Variants in NEDD1 observed in about 807,000 individuals in gnomAD.
NEDD1 encodes NEDD1 gamma-tubulin ring complex targeting factor.
In NEDD1, 33 loss-of-function variants were observed where a neutral mutation model predicts 74.0. That is an observed-to-expected ratio of 0.45 (90% CI 0.34 to 0.60). The LOEUF (loss-of-function observed/expected upper bound fraction) is 0.60, where lower values mean the gene tolerates loss of function less well. NEDD1 is among the 20% of genes least tolerant of loss of function. The pLI is 0.01. For missense variants in NEDD1, 746 were observed against 776.5 expected (o/e 0.96, Z 0.47); for synonymous variants, 250 against 264.4 (o/e 0.95, Z 0.53).
Position 96,940,501 on chromosome 12 carries a change from A to G in NEDD1, c.1210A>G (p.Ser404Gly), listed in dbSNP as rs1462255785. Residue 404 changes from serine to glycine, a missense_variant, in exon 10 of 16, where the codon AGT becomes GGT. Coordinates refer to ENST00000266742, the MANE Select transcript of NEDD1 (RefSeq NM_152905.4). ...CTCCAGCTTTGATGATACTGGGAAA[A>G]GTAGTTTAGGTGACATGTTCTCACC... is the stretch of plus-strand genomic sequence containing the variant. ...DFSSFDDTGK[S>G]SLGDMFSPIR... The G allele has an allele frequency of 1.2e-6, 2 of 1,606,908 alleles. No homozygotes were observed. The highest frequency in any genetic ancestry group is 1.7e-6 in the Non-Finnish European group (2 of 1,174,366).
At chr12:96,916,598 T>C (rs557964848) in intron 4 of NEDD1, among the ~76,000 whole-genome samples, 2 of 148,214 alleles carry the variant, frequency 1.3e-5, no homozygotes, top group African/African-American at 2.5e-5. Flanking sequence ...TCATTTTTTA[T>C]GGCTGCATAG....
At chr12:96,936,261 A>G (rs1254811382) in intron 7 of NEDD1, among the ~76,000 whole-genome samples, 1 of 152,166 alleles carries the variant, frequency 6.6e-6, no homozygotes, top group East Asian at 1.9e-4. Context: ...GCCCTCCTCA[A>G]CCATGAGGCC....
chr12:96,934,966 A>G lies in NEDD1; in HGVS notation c.490-10A>G. The G allele has an allele frequency of 6.5e-7, 1 of 1,534,016 alleles. No homozygotes were observed. The highest frequency in any genetic ancestry group is 9.0e-7 in the Non-Finnish European group (1 of 1,108,668). On this transcript the variant is annotated splice_polypyrimidine_tract_variant and intron_variant, in intron 6 of 15. Coordinates refer to ENST00000266742, the MANE Select transcript of NEDD1 (RefSeq NM_152905.4). ...ATAATTACATAAAATTTATTCTTTC[A>G]TTTTTATAGTCTGTTCGGCACTTGA...
At chr12:96,918,177 T>TG (rs1555200953) in intron 5 of NEDD1, among the ~76,000 whole-genome samples, 5 of 151,700 alleles carry the variant, frequency 3.3e-5, no homozygotes, top group East Asian at 1.9e-4. Context: ...TGTTTTTTTT[T>TG]TGTGTGTGTG....
At chr12:96,918,181 G>A (rs1159480798) in intron 5 of NEDD1, among the ~76,000 whole-genome samples, 1 of 150,718 alleles carries the variant, frequency 6.6e-6, no homozygotes, top group African/African-American at 2.4e-5. Flanking sequence ...TTTTTTTTGT[G>A]TGTGTGTGTT....
At chr12:96,926,988 TTGTG>T (rs58398494) in intron 6 of NEDD1, among the ~76,000 whole-genome samples, 14 of 147,838 alleles carry the variant, frequency 9.5e-5, no homozygotes, top group South Asian at 2.2e-4. Flanking sequence ...AAAAAAAAAA[TTGTG>T]TGTGTGTGTG....
chr12:96,945,584 CTCT>C, intron 13 of NEDD1, 106 bp from the exon 14 acceptor site: 4 of 643,314 alleles, frequency 6.2e-6, no homozygotes, highest in Non-Finnish European at 8.2e-6. Context: ...CACAGGAACA[CTCT>C]TCTTTGCCAG....
At position 96,907,818 on chromosome 12, in the gene NEDD1, A is replaced by G. The variant is rs1873484425; in HGVS notation, c.-47A>G. ...GGGACCGTCTTTGAGGGACTCATGT[A>G]AAGTCTCTCCCTTAATGCTCAGTTC... is the stretch of plus-strand genomic sequence containing the variant. On this transcript the variant is annotated 5_prime_UTR_variant, in exon 2 of 16. An upstream open reading frame in the 5' UTR loses its in-frame stop. Coordinates refer to ENST00000266742, the MANE Select transcript of NEDD1 (RefSeq NM_152905.4). The G allele has an allele frequency of 6.9e-7, 1 of 1,457,102 alleles. No individual in the cohort carries two copies. Among genetic ancestry groups the G allele is most frequent in the East Asian group, 2.5e-5 (1 of 39,702 alleles). 90.3% of individuals were successfully genotyped at this position (1,457,102 alleles called of 1,614,324 possible).
At chr12:96,947,534 A>C (rs967502845) in intron 14 of NEDD1, among the ~76,000 whole-genome samples, 3 of 152,176 alleles carry the variant, frequency 2.0e-5, no homozygotes, top group Non-Finnish European at 2.9e-5. Flanking sequence ...TTTTAAGCAC[A>C]GGAGTAATGG....
At chr12:96,915,365 A>C (rs988796389) in intron 4 of NEDD1, among the ~76,000 whole-genome samples, 1 of 152,204 alleles carries the variant, frequency 6.6e-6, no homozygotes. Context: ...TGAACGTGCA[A>C]TGGGGGAAGG....
chr12:96,934,508 T>G (rs1315823487), intron 6 of NEDD1, among the ~76,000 whole-genome samples: 2 of 151,848 alleles, frequency 1.3e-5, no homozygotes, highest in Non-Finnish European at 2.9e-5. Context: ...TTTCTTTTTT[T>G]TTTTTAAGAC....
Position 96,907,856 on chromosome 12 carries a change from G to C in NEDD1, c.-9G>C, listed in dbSNP as rs1361939421. 2 of 1,353,500 alleles carry C rather than the reference G, an allele frequency of 1.5e-6. No homozygotes were observed. The highest frequency in any genetic ancestry group is 1.9e-6 in the Non-Finnish European group (2 of 1,050,374). The allele number at this position is 1,353,500 out of a possible 1,614,324, so 83.8% of individuals were successfully genotyped here. A position where few individuals can be genotyped will look rare whatever the true frequency, so the allele number is the denominator to read the frequency against. ...TAATGCTCAGTTCTTAGAAGACCGA[G>C]GTAGGTGGGCAGATGGTCCTCTTCC... is the stretch of plus-strand genomic sequence containing the variant. On this transcript the variant is annotated splice_region_variant and 5_prime_UTR_variant, in exon 2 of 16. Transcript: ENST00000266742.
In NEDD1 at chr12:96,944,699, A is replaced by C. The variant is rs1189350195; in HGVS notation, c.1558A>C (p.Asn520His). 6.2e-7 allele frequency: 1 copy of C among 1,602,074 alleles called. No homozygotes were observed. The highest frequency in any genetic ancestry group is 8.5e-7 in the Non-Finnish European group (1 of 1,173,868). ...AAATCTAAATACCTCTCCATCATCT[A>C]ACCAAACAAGAAATTCTGAGAAATT... The part of the protein sequence containing the change: ...SGNLNTSPSS[N>H]QTRNSEKFEK... The change falls in exon 13 of 16, where the codon AAC (asparagine) becomes CAC (histidine). Residue 520 changes from asparagine (N) to histidine (H), a missense_variant. Physicochemically the swap from Asn to His is moderately conservative, Grantham distance 68. Around this residue, in one of 3 missense-constraint regions of NEDD1, gnomAD observed 706 missense variants for 706.7 expected, o/e 1.00. Transcript: ENST00000266742.
At chr12:96,910,980 A>G (rs577004563) in intron 3 of NEDD1, among the ~76,000 whole-genome samples, 5 of 152,212 alleles carry the variant, frequency 3.3e-5, no homozygotes, top group Non-Finnish European at 7.4e-5. Flanking sequence ...TCTTGCATGT[A>G]TATAACAAGA....
chr12:96,935,275 G>A (rs1476692557), intron 7 of NEDD1, 70 bp downstream of exon 7: 6 of 900,280 alleles, frequency 6.7e-6, no homozygotes, highest in Non-Finnish European at 9.1e-6. Flanking sequence ...GCATATTTGT[G>A]ATTTATATAG....
rs559389253 is a variant in NEDD1 at position 96,916,842 on chromosome 12, G to A, written c.232-779G>A. Among the ~76,000 whole-genome samples, 19 of 152,272 alleles carry A rather than the reference G, an allele frequency of 1.2e-4. No individual in the cohort carries two copies. The South Asian group carries it at 3.9e-3, about 32-fold the overall frequency. On this transcript the variant is annotated intron_variant, in intron 4 of 15. Transcript: ENST00000266742. ...GATGGAATATAGGAGAGCAGGAGTG[G>A]AAACAGGGAAACCAGTTAGGAAGCT...
At chr12:96,907,581 C>T (rs1432006283) in intron 1 of NEDD1, 23 bp from the exon 2 acceptor site, 1 of 1,549,264 alleles carries the variant, frequency 6.5e-7, no homozygotes, top group African/African-American at 1.4e-5. Flanking sequence ...TTTTGTCAAC[C>T]TCAAGTACTT....
At chr12:96,945,901 TAGATGTAAAACC>T in intron 14 of NEDD1, 52 bp downstream of exon 14, 1 of 1,163,456 alleles carries the variant, frequency 8.6e-7, no homozygotes, top group Non-Finnish European at 1.3e-6. Context: ...GTTTTTTTTT[TAGATGTAAAACC>T]AGAACTATAG....
At chr12:96,935,288 C>A in intron 7 of NEDD1, 83 bp downstream of exon 7, 1 of 815,186 alleles carries the variant, frequency 1.2e-6, no homozygotes, top group Non-Finnish European at 2.0e-6. Flanking sequence ...TTATATAGAC[C>A]TCTGATTAGT....
Sources: allele counts gnomAD v4.1 joint callset (sites outside exome capture counted in the v4.1 genomes callset), GRCh38; gene constraint gnomAD v4.1.1; regional missense constraint gnomAD v4.1.1; transcripts MANE v1.5; gene names NCBI Gene and HGNC (gene_info 2026-07-23, HGNC 2026-07-21).